Variants in ABCA13 observed in about 807,000 individuals in gnomAD.
ABCA13 encodes the protein ATP-binding cassette sub-family A member 13.
A neutral mutation model predicts 478.7 loss-of-function variants in ABCA13; 476 were observed. The ratio of observed to expected loss-of-function variants is 0.99; its 90% CI spans 0.92 to 1.07. ABCA13 has a LOEUF of 1.07. Ranked by LOEUF, ABCA13 falls within the 50% of genes least tolerant of loss-of-function variation. ABCA13 has a pLI of 0.00. For synonymous variants in ABCA13, 2,252 were observed against 2,158.9 expected, an observed-to-expected ratio of 1.04 and a Z score of -1.20; for missense variants, 6,060 against 5,910.6, an observed-to-expected ratio of 1.03 and a Z score of -0.83.
chr7:48,554,729 G>T (rs550061321), intron 55 of ABCA13, among the ~76,000 whole-genome samples: 1 of 151,424 alleles, frequency 6.6e-6, no homozygotes, highest in African/African-American at 2.4e-5. Flanking sequence ...GTGCTAGAGT[G>T]TTTAGATTTT....
At chr7:48,242,421 G>A (rs1790985386) in intron 10 of ABCA13, among the ~76,000 whole-genome samples, 1 of 152,006 alleles carries the variant, frequency 6.6e-6, no homozygotes, top group Non-Finnish European at 1.5e-5. Context: ...CTGTCCATCT[G>A]CTGTTTTTTT....
In ABCA13 at chr7:48,587,154, G is replaced by T. The variant is rs762508606; in HGVS notation, c.14506G>T (p.Val4836Phe). ...GCACATGGACATGCCTCTCTTCCAG[G>T]TTGCTGGAGACCTCATCAGGCGCTT... ...RGIPRQCIPE[V>F]AGDLIRRLHL... The change falls in exon 57 of 62, where the codon GTT (valine) becomes TTT (phenylalanine). Residue 4836 changes from valine to phenylalanine, a missense_variant and splice_region_variant. Coordinates refer to ENST00000435803, the MANE Select transcript of ABCA13 (RefSeq NM_152701.5). The T allele has an allele frequency of 1.9e-6, 3 of 1,613,200 alleles. No individual in the cohort carries two copies. In the South Asian group the frequency reaches 3.3e-5, roughly 18 times the overall value.
intron 31 of ABCA13, among the ~76,000 whole-genome samples, chr7:48,360,065 G>A (rs6958878): frequency 0.24 from 37,140 of 151,700 alleles, 5,298 homozygotes; most frequent in African/African-American, 0.38. Flanking sequence ...TTATACTTTA[G>A]GTTCCAGGGT....
In ABCA13 at chr7:48,274,181, C is replaced by G. The variant is rs376695501; in HGVS notation, c.4515C>G (p.Asn1505Lys). 1.2e-6 allele frequency: 2 copies of G among 1,611,706 alleles called. No homozygotes were observed. The highest frequency in any genetic ancestry group is 4.5e-5 in the East Asian group (2 of 44,758). Residue 1505 changes from asparagine (N) to lysine (K), a missense_variant, in exon 17 of 62, where the codon AAC becomes AAG. Transcript: ENST00000435803. ...DSTKQVRMSINNLTTDFDFAS... is the reference protein window; with the variant it reads ...DSTKQVRMSIKNLTTDFDFAS... ...CAAAGCAAGTAAGGATGAGTATCAA[C>G]AACTTAACAACAGACTTTGATTTTG... is the stretch of plus-strand genomic sequence containing the variant.
Position 48,367,745 on chromosome 7 carries a change from AG to A in ABCA13, c.10689-48del, listed in dbSNP as rs1563131953. The A allele has an allele frequency of 2.2e-6, 3 of 1,377,028 alleles. No individual in the cohort carries two copies. In the South Asian group the frequency reaches 3.7e-5, roughly 17 times the overall value. 85.3% of individuals were successfully genotyped at this position (1,377,028 alleles called of 1,614,324 possible). A position where few individuals can be genotyped will look rare whatever the true frequency, so the allele number is the denominator to read the frequency against. ...TGGAAGAAAAATGTAAAAAATTAGT[AG>A]AGTCATTTTGCTTGTCTCCGGATGC... On this transcript the variant is annotated intron_variant, in intron 31 of 61. Transcript: ENST00000435803.
At chr7:48,235,250 AT>A (rs1451159417) in intron 8 of ABCA13, among the ~76,000 whole-genome samples, 6 of 152,182 alleles carry the variant, frequency 3.9e-5, no homozygotes, top group African/African-American at 1.4e-4. Context: ...AGGACTTGAA[AT>A]TGTGACCCTT....
At chr7:48,413,288 G>A (rs1386894755) in intron 41 of ABCA13, among the ~76,000 whole-genome samples, 1 of 152,222 alleles carries the variant, frequency 6.6e-6, no homozygotes, top group Non-Finnish European at 1.5e-5. Context: ...TGATGTGAGA[G>A]GGTTTAGCAC....
At chr7:48,564,461 A>G (rs879533807) in intron 55 of ABCA13, among the ~76,000 whole-genome samples, 13 of 151,780 alleles carry the variant, frequency 8.6e-5, no homozygotes, top group Admixed American at 7.9e-4. Flanking sequence ...TTCTTAGTGT[A>G]TTTTGACACA....
At chr7:48,572,947 G>T (rs1478046285) in intron 55 of ABCA13, among the ~76,000 whole-genome samples, 2 of 151,584 alleles carry the variant, frequency 1.3e-5, no homozygotes, top group Middle Eastern at 3.5e-3. Flanking sequence ...TCCTTTTCTT[G>T]GTTTATTATG....
In ABCA13 at chr7:48,367,203, TG is replaced by T. The variant is rs527816201; in HGVS notation, c.10689-590del. Among the ~76,000 whole-genome samples the T allele has an allele frequency of 5.9e-5, 9 of 152,182 alleles. No homozygotes were observed. In the East Asian group the frequency reaches 1.7e-3, roughly 29 times the overall value. ...AAAGAGAGGAGGAGGGAATGACCAATGCCATCCAACATGTCTGAGAACTCAA... is the reference window on the plus strand; with the variant it reads ...AAAGAGAGGAGGAGGGAATGACCAATCCATCCAACATGTCTGAGAACTCAA... On this transcript the variant is annotated intron_variant, in intron 31 of 61. Transcript: ENST00000435803.
intron 55 of ABCA13, among the ~76,000 whole-genome samples, chr7:48,566,941 A>C (rs916163565): frequency 2.0e-5 from 3 of 152,264 alleles, no homozygotes; most frequent in South Asian, 2.1e-4. Context: ...CATTCTACCG[A>C]ACTACTTATA....
intron 3 of ABCA13, among the ~76,000 whole-genome samples, chr7:48,210,667 T>G (rs1245956709): frequency 6.6e-6 from 1 of 152,156 alleles, no homozygotes; most frequent in African/African-American, 2.4e-5. Context: ...ATCTTGTTAT[T>G]GATATCTAGT....
chr7:48,371,584 C>T (rs1812641563), intron 32 of ABCA13, among the ~76,000 whole-genome samples: 1 of 152,092 alleles, frequency 6.6e-6, no homozygotes, highest in African/African-American at 2.4e-5. Context: ...ATTTGGCTCT[C>T]TGCTTGTTTC....
intron 55 of ABCA13, among the ~76,000 whole-genome samples, chr7:48,563,262 C>G (rs945612931): frequency 1.3e-5 from 2 of 151,182 alleles, no homozygotes; most frequent in Non-Finnish European, 3.0e-5. Context: ...AGGAGTTGTT[C>G]TTCAGCACAT....
chr7:48,519,629 T>TTA (rs1832392404), intron 52 of ABCA13, among the ~76,000 whole-genome samples: 1 of 152,220 alleles, frequency 6.6e-6, no homozygotes, highest in Non-Finnish European at 1.5e-5. Context: ...CTTTGTATAA[T>TTA]TATCATTTTC....
chr7:48,636,014 T>G, intron 59 of ABCA13, among the ~76,000 whole-genome samples: 1 of 152,316 alleles, frequency 6.6e-6, no homozygotes, highest in South Asian at 2.1e-4. Context: ...TTTATATCTA[T>G]TTCATGCTGG....
At position 48,248,385 on chromosome 7, in the gene ABCA13, T is replaced by C; in HGVS notation, c.1806T>C (p.Asp602=). 1 of 1,613,668 alleles carries C rather than the reference T, an allele frequency of 6.2e-7. No individual in the cohort carries two copies. Among genetic ancestry groups the C allele is most frequent in the South Asian group, 1.1e-5 (1 of 91,024 alleles). ...CTRLFLLLGA[D]PSPENDVFSS... is the part of the protein sequence containing the mutation. Reference sequence around the variant, plus strand: ...GGCTCTTCCTGCTGCTGGGAGCTGATCCCTCTCCTGAGAATGATGTCTTTT... The same window carrying C: ...GGCTCTTCCTGCTGCTGGGAGCTGACCCCTCTCCTGAGAATGATGTCTTTT... The change falls in exon 14 of 62, where the codon GAT becomes GAC. Residue 602 remains aspartate (D), a synonymous_variant. Transcript: ENST00000435803.
chr7:48,244,065 G>A (rs1791298067), intron 10 of ABCA13, among the ~76,000 whole-genome samples: 1 of 152,142 alleles, frequency 6.6e-6, no homozygotes, highest in Non-Finnish European at 1.5e-5. Flanking sequence ...GAGCCCGTTA[G>A]TCTGACATTC....
chr7:48,313,168 T>C lies in ABCA13; in HGVS notation c.9618T>C (p.Tyr3206=), dbSNP rs1188368652. The part of the protein sequence containing the change: ...LLAKAQHVFE[Y]LPEFLHTFKI... ...CCAAAGCCCAGCACGTCTTTGAGTA[T>C]CTTCCTGAGTTTCTTCACACATTTA... The change falls in exon 25 of 62, where the codon TAT becomes TAC. Residue 3206 remains tyrosine (Y), a synonymous_variant. Transcript: ENST00000435803. The C allele has an allele frequency of 6.2e-7, 1 of 1,612,920 alleles. No individual in the cohort carries two copies. Among genetic ancestry groups the C allele is most frequent in the Non-Finnish European group, 8.5e-7 (1 of 1,179,442 alleles).
Sources: gnomAD v4.1 joint callset for allele counts (sites outside exome capture counted in the v4.1 genomes callset) on GRCh38, gnomAD v4.1.1 for gene constraint, MANE v1.5 for transcripts, NCBI Gene and HGNC (gene_info 2026-07-23, HGNC 2026-07-21) for gene names.